CELF2: variants seen among roughly 807,000 people sequenced by gnomAD.
CELF2 encodes the protein CUG triplet repeat RNA-binding protein 2.
A neutral mutation model predicts 62.6 loss-of-function variants in CELF2; 8 were observed. The observed-to-expected ratio is 0.13, with a 90% CI of 0.07 to 0.23. The LOEUF (loss-of-function observed/expected upper bound fraction) is 0.23. Ranked by LOEUF, CELF2 falls within the 10% of genes least tolerant of loss-of-function variation. The probability of loss-of-function intolerance (pLI) is 1.00; values close to 1 mark genes in which losing one functional copy is unlikely to be tolerated. For missense variants in CELF2, 333 were observed against 671.0 expected, an observed-to-expected ratio of 0.50 and a Z score of 5.56; for synonymous variants, 258 against 250.0, an observed-to-expected ratio of 1.03 and a Z score of -0.30.
At chr10:10,489,951 T>C in the CELF2 span, among the ~76,000 whole-genome samples, 1 of 152,110 alleles carries the variant, frequency 6.6e-6, no homozygotes, top group African/African-American at 2.4e-5. Flanking sequence ...GGAACACATA[T>C]TTGTGTAACT....
At chr10:10,980,014 G>A (rs1011091741) in intron 2 of CELF2, among the ~76,000 whole-genome samples, 4 of 152,184 alleles carry the variant, frequency 2.6e-5, no homozygotes, top group Non-Finnish European at 5.9e-5. Flanking sequence ...GAAAGGTGAG[G>A]AAGAAGGCAG....
chr10:10,714,178 A>C, the CELF2 span, among the ~76,000 whole-genome samples: 10 of 152,216 alleles, frequency 6.6e-5, no homozygotes, highest in Non-Finnish European at 2.9e-5. Flanking sequence ...TTTGGCCACT[A>C]GAAAATGTGA....
chr10:10,609,708 T>C, the CELF2 span, among the ~76,000 whole-genome samples: 2 of 152,210 alleles, frequency 1.3e-5, no homozygotes, highest in Non-Finnish European at 2.9e-5. Flanking sequence ...AGATGGGATG[T>C]AGGAGTTGAG....
At position 10,932,694 on chromosome 10, in the gene CELF2, G is replaced by GTGTGTGTGTGTA. The variant is rs1406935763; in HGVS notation, c.89+12696_89+12697insGTGTGTGTGTAT. 1.5e-3 allele frequency among the ~76,000 whole-genome samples: 218 copies of GTGTGTGTGTGTA among 149,828 alleles called. 1 individual carries two copies. The highest frequency in any genetic ancestry group is 5.1e-3 in the African/African-American group (206 of 40,636). ...TATGTGTATGTGTGTGTGTGTGTGT[G>GTGTGTGTGTGTA]TATATATATATGTATGTATAATACA... is the stretch of plus-strand genomic sequence containing the variant. On this transcript the variant is annotated intron_variant, in intron 2 of 13. Coordinates refer to the CELF2 transcript ENST00000636488.
intron 5 of CELF2, 80 bp from the exon 6 acceptor site, chr10:11,266,518 G>T: frequency 1.0e-6 from 1 of 1,002,740 alleles, no homozygotes; most frequent in South Asian, 1.3e-5. Context: ...CTCGTAGACT[G>T]TGTTGGTTTA....
chr10:11,334,741 G>C lies in CELF2; in HGVS notation c.*5688G>C, dbSNP rs2096087374. 1 of 152,044 alleles carries C rather than the reference G, an allele frequency of 6.6e-6. No homozygotes were observed. Among genetic ancestry groups the C allele is most frequent in the African/African-American group, 2.4e-5 (1 of 41,382 alleles). The allele number at this position is 152,044 out of a possible 1,614,324, so 9.4% of individuals were successfully genotyped here. A position where few individuals can be genotyped will look rare whatever the true frequency, so the allele number is the denominator to read the frequency against. On this transcript the variant is annotated 3_prime_UTR_variant, in exon 13 of 13. Coordinates refer to ENST00000633077, the MANE Select transcript of CELF2 (RefSeq NM_001326342.2). The stretch of plus-strand genomic sequence containing the variant: ...TAACATACATTCCAAACTGCTGCGG[G>C]GTTTCCTCTCCACACCCACGAGGCC...
chr10:11,200,093 A>T (rs972559127), intron 2 of CELF2, among the ~76,000 whole-genome samples: 4 of 152,120 alleles, frequency 2.6e-5, no homozygotes, highest in African/African-American at 9.7e-5. Context: ...AATTCACCCA[A>T]ACTTTCCAGA....
the CELF2 span, among the ~76,000 whole-genome samples, chr10:10,708,711 T>C: frequency 1.3e-5 from 2 of 152,156 alleles, no homozygotes; most frequent in Admixed American, 1.3e-4. Flanking sequence ...CCTTGGAATC[T>C]GATGGAAATA....
At chr10:10,610,372 CA>C in the CELF2 span, among the ~76,000 whole-genome samples, 1 of 152,088 alleles carries the variant, frequency 6.6e-6, no homozygotes, top group Non-Finnish European at 1.5e-5. Context: ...GATGCCAACT[CA>C]AAAAACAAAA....
At chr10:10,510,556 T>G in the CELF2 span, among the ~76,000 whole-genome samples, 1 of 152,240 alleles carries the variant, frequency 6.6e-6, no homozygotes, top group Non-Finnish European at 1.5e-5. Context: ...ATTCATTCAT[T>G]CATCAAATAC....
At chr10:10,753,642 T>A in the CELF2 span, among the ~76,000 whole-genome samples, 1 of 152,190 alleles carries the variant, frequency 6.6e-6, no homozygotes, top group Non-Finnish European at 1.5e-5. Flanking sequence ...CTCTTTCTTA[T>A]ATTAAAAAAT....
At chr10:10,840,482 TACTTA>T (rs948109679) in intron 1 of CELF2, among the ~76,000 whole-genome samples, 62 of 152,376 alleles carry the variant, frequency 4.1e-4, no homozygotes, top group African/African-American at 1.4e-3. Context: ...TCTTTTTGTA[TACTTA>T]ACTTGCCATG....
intron 1 of CELF2, among the ~76,000 whole-genome samples, chr10:11,044,679 C>T (rs1045339189): frequency 2.0e-5 from 3 of 152,020 alleles, no homozygotes; most frequent in African/African-American, 7.3e-5. Context: ...GCCAAGTACA[C>T]GATAATAGCC....
rs1481134492 is a variant in CELF2, at chr10:11,075,817, A to G, written c.74+57654A>G. On this transcript the variant is annotated intron_variant, in intron 1 of 12. Coordinates refer to ENST00000633077, the MANE Select transcript of CELF2 (RefSeq NM_001326342.2). The surrounding 1 kb of genome is among the most constrained non-coding windows in gnomAD (Gnocchi z 5.4). ...TGGTTGAAAACGTCGTAGGCAAGAA[A>G]AAAGCATCAGTATTAGGGCAAAATA... Among the ~76,000 whole-genome samples the G allele has an allele frequency of 6.6e-6, 1 of 152,134 alleles. No homozygotes were observed. The highest frequency in any genetic ancestry group is 1.5e-5 in the Non-Finnish European group (1 of 68,036).
In CELF2 at chr10:11,280,528, C is replaced by T. The variant is rs1291515469; in HGVS notation, c.841+5408C>T. ...TCTGTGGTGGGAGGAGCCAAGACAT[C>T]AGCCACCAGGGACGTGCATCGTTGC... On this transcript the variant is annotated intron_variant, in intron 8 of 12. Transcript: ENST00000633077. The surrounding 1 kb of genome is among the most constrained non-coding windows in gnomAD (Gnocchi z 7.6). Among the ~76,000 whole-genome samples the T allele has an allele frequency of 6.6e-6, 1 of 152,236 alleles. No homozygotes were observed. Among genetic ancestry groups the T allele is most frequent in the Non-Finnish European group, 1.5e-5 (1 of 68,044 alleles).
intron 1 of CELF2, among the ~76,000 whole-genome samples, chr10:11,067,654 G>A (rs1033574337): frequency 5.3e-5 from 8 of 152,140 alleles, no homozygotes; most frequent in South Asian, 4.1e-4. Flanking sequence ...AGTGCCCACC[G>A]GTTCCCAAGC....
the CELF2 span, among the ~76,000 whole-genome samples, chr10:10,551,795 A>T: frequency 6.6e-6 from 1 of 151,916 alleles, no homozygotes; most frequent in East Asian, 1.9e-4. Context: ...GGTGCTTTCC[A>T]ATGTTGATAT....
In CELF2 at chr10:11,321,429, G is replaced by A. The variant is rs767861235; in HGVS notation, c.1294+43G>A. On this transcript the variant is annotated intron_variant, in intron 11 of 12. Coordinates refer to ENST00000633077, the MANE Select transcript of CELF2 (RefSeq NM_001326342.2). The surrounding 1 kb of genome is among the most constrained non-coding windows in gnomAD (Gnocchi z 6.2). ...CCCCAGGCAGGGCCCAGCCCAACAG[G>A]CAGCACTGGCCTCTAGAGCACGGTT... The A allele has an allele frequency of 2.6e-6, 4 of 1,524,718 alleles. No homozygotes were observed. Among genetic ancestry groups the A allele is most frequent in the Non-Finnish European group, 3.6e-6 (4 of 1,114,852 alleles). The allele number at this position is 1,524,718 out of a possible 1,614,324, so 94.4% of individuals were successfully genotyped here. A position where few individuals can be genotyped will look rare whatever the true frequency, so the allele number is the denominator to read the frequency against.
At chr10:11,114,967 TGTA>T (rs777843834) in intron 1 of CELF2, among the ~76,000 whole-genome samples, 4 of 148,260 alleles carry the variant, frequency 2.7e-5, no homozygotes, top group Non-Finnish European at 1.5e-5. Context: ...CTTCCCAACA[TGTA>T]GTATATGTAC....
Sources: gnomAD v4.1 joint callset for allele counts (sites outside exome capture counted in the v4.1 genomes callset) on GRCh38, gnomAD v4.1.1 for gene constraint, Gnocchi (gnomAD v3.1) non-coding constraint, MANE v1.5 for transcripts, NCBI Gene and HGNC (gene_info 2026-07-23, HGNC 2026-07-21) for gene names.